CLASP1: variants seen among roughly 807,000 people sequenced by gnomAD.
The protein encoded by CLASP1 is CLIP-associating protein 1.
In CLASP1, 38 loss-of-function variants were observed where a neutral mutation model predicts 192.3. The ratio of observed to expected loss-of-function variants is 0.20; its 90% CI spans 0.15 to 0.26. The LOEUF is 0.26. Among genes scored for constraint, CLASP1 ranks in the 10% least tolerant of loss-of-function variants. The probability of loss-of-function intolerance (pLI) is 1.00; values close to 1 mark genes in which losing one functional copy is unlikely to be tolerated. For missense variants in CLASP1, 1,433 were observed against 1,932.5 expected, an observed-to-expected ratio of 0.74 and a Z score of 4.85; for synonymous variants, 691 against 712.8, an observed-to-expected ratio of 0.97 and a Z score of 0.49.
At chr2:121,403,016 G>T (rs2076367214) in intron 26 of CLASP1, among the ~76,000 whole-genome samples, 1 of 152,170 alleles carries the variant, frequency 6.6e-6, no homozygotes, top group Non-Finnish European at 1.5e-5. Context: ...ATTTTTAGTA[G>T]AGACAGGGTT....
At chr2:121,509,313 CCA>C (rs2094040679) in intron 7 of CLASP1, among the ~76,000 whole-genome samples, 1 of 152,170 alleles carries the variant, frequency 6.6e-6, no homozygotes, top group South Asian at 2.1e-4. Context: ...GTAGCTAGGA[CCA>C]CAGGCACACG....
At chr2:121,526,260 T>C (rs1159612750) in intron 5 of CLASP1, among the ~76,000 whole-genome samples, 1 of 152,206 alleles carries the variant, frequency 6.6e-6, no homozygotes, top group African/African-American at 2.4e-5. Flanking sequence ...GTCTGTCACT[T>C]TAAGCCAACT....
At chr2:121,456,113 T>C (rs781267828) in intron 14 of CLASP1, among the ~76,000 whole-genome samples, 1 of 152,168 alleles carries the variant, frequency 6.6e-6, no homozygotes. Flanking sequence ...GATACACATG[T>C]TAAAGAGCTT....
At chr2:121,382,643 T>A (rs1176090772) in intron 32 of CLASP1, among the ~76,000 whole-genome samples, 1 of 152,226 alleles carries the variant, frequency 6.6e-6, no homozygotes, top group Non-Finnish European at 1.5e-5. Flanking sequence ...GCTGTGTGTA[T>A]CTGCATGCAC....
chr2:121,404,457 C>A (rs1252335949), intron 25 of CLASP1, 23 bp from the exon 27 acceptor site: 3 of 1,587,818 alleles, frequency 1.9e-6, no homozygotes, highest in Admixed American at 1.7e-5. Context: ...AAACAGAAAT[C>A]AATGAATTTA....
At chr2:121,613,163 A>G (rs1231272809) in intron 1 of CLASP1, among the ~76,000 whole-genome samples, 1 of 152,220 alleles carries the variant, frequency 6.6e-6, no homozygotes, top group Admixed American at 6.5e-5. Flanking sequence ...AAAGGGACAC[A>G]TTTTGGATAT....
chr2:121,530,513 G>A (rs1296164424), intron 2 of CLASP1, 188 bp from the exon 3 acceptor site: 3 of 574,022 alleles, frequency 5.2e-6, no homozygotes, highest in Non-Finnish European at 9.5e-6. Flanking sequence ...GCTATGTACA[G>A]CTATAATGGA....
chr2:121,486,279 C>T (rs2092965884), intron 8 of CLASP1, among the ~76,000 whole-genome samples: 1 of 152,164 alleles, frequency 6.6e-6, no homozygotes, highest in African/African-American at 2.4e-5. Context: ...TTCTGACTTA[C>T]ATTTTTATTA....
intron 2 of CLASP1, among the ~76,000 whole-genome samples, chr2:121,557,792 T>C (rs538725719): frequency 6.6e-6 from 1 of 151,590 alleles, no homozygotes; most frequent in Non-Finnish European, 1.5e-5. Context: ...AGAATACCTA[T>C]TATGTGTAGG....
At chr2:121,509,777 G>T (rs1203720457) in intron 7 of CLASP1, among the ~76,000 whole-genome samples, 3 of 152,154 alleles carry the variant, frequency 2.0e-5, no homozygotes, top group African/African-American at 7.2e-5. Flanking sequence ...GGCAGAGGTT[G>T]CAGTGAGCCA....
At chr2:121,434,239 C>G (rs2081947149) in intron 19 of CLASP1, among the ~76,000 whole-genome samples, 1 of 152,076 alleles carries the variant, frequency 6.6e-6, no homozygotes, top group Non-Finnish European at 1.5e-5. Flanking sequence ...ATAGGTTTAT[C>G]TTACCTTAAT....
intron 6 of CLASP1, among the ~76,000 whole-genome samples, chr2:121,520,819 A>T (rs2094440444): frequency 6.6e-6 from 1 of 152,198 alleles, no homozygotes; most frequent in Admixed American, 6.5e-5. Context: ...CTCATCAACA[A>T]GCACAGACTT....
intron 2 of CLASP1, among the ~76,000 whole-genome samples, chr2:121,551,713 T>C (rs1434820408): frequency 9.9e-5 from 15 of 152,002 alleles, no homozygotes. Flanking sequence ...CACAAACAAA[T>C]GGAAAAATAT....
At chr2:121,623,670 T>C (rs924682778) in intron 1 of CLASP1, among the ~76,000 whole-genome samples, 1 of 152,214 alleles carries the variant, frequency 6.6e-6, no homozygotes, top group Non-Finnish European at 1.5e-5. Flanking sequence ...CTAAGCTTTT[T>C]TGGGAGGGGC....
chr2:121,469,794 G>C lies in CLASP1; in HGVS notation c.865+14C>G. 6.2e-7 allele frequency: 1 copy of C among 1,604,896 alleles called. No homozygotes were observed. The highest frequency in any genetic ancestry group is 1.1e-5 in the South Asian group (1 of 90,176). ...ATAGCTGACCCCAGAACGCCACACA[G>C]GGCTTAGACTAACCTGAAGACTTGG... On this transcript the variant is annotated intron_variant, in intron 9 of 39. Transcript: ENST00000263710.
At chr2:121,492,811 C>A (rs760280426) in intron 8 of CLASP1, among the ~76,000 whole-genome samples, 4 of 152,168 alleles carry the variant, frequency 2.6e-5, no homozygotes, top group Non-Finnish European at 5.9e-5. Context: ...CCATGTAATA[C>A]AGCAATTCTA....
At chr2:121,478,969 A>C in intron 8 of CLASP1, among the ~76,000 whole-genome samples, 1 of 70,260 alleles carries the variant, frequency 1.4e-5, no homozygotes, top group South Asian at 6.0e-4. Flanking sequence ...CACACCACAC[A>C]CACCACACAC....
At position 121,530,475 on chromosome 2, in the gene CLASP1, C is replaced by G. The variant is rs1020267508; in HGVS notation, c.196-150G>C. 1.5e-5 allele frequency: 9 copies of G among 607,254 alleles called. No homozygotes were observed. The South Asian group carries it at 1.8e-4, about 12-fold the overall frequency. 37.6% of individuals were successfully genotyped at this position (607,254 alleles called of 1,614,324 possible). ...GACTGGAGGACCAAAGAGATTAGCA[C>G]GAAGAAGGATGATCTTCCACAAAAA... On this transcript the variant is annotated intron_variant, in intron 2 of 39. Transcript: ENST00000263710.
chr2:121,344,339 C>A (rs575410797), intron 39 of CLASP1, among the ~76,000 whole-genome samples: 30 of 150,770 alleles, frequency 2.0e-4, no homozygotes, highest in Admixed American at 9.2e-4. Flanking sequence ...TAAAAAAAAA[C>A]CTTTTTTTTT....
Sources: gnomAD v4.1 joint callset for allele counts (sites outside exome capture counted in the v4.1 genomes callset) on GRCh38, gnomAD v4.1.1 for gene constraint, MANE v1.5 for transcripts, NCBI Gene and HGNC (gene_info 2026-07-23, HGNC 2026-07-21) for gene names.